The following EXOC6B variants were observed in gnomAD, a reference collection of about 807,000 sequenced individuals.
The protein encoded by EXOC6B is SEC15 homolog B.
EXOC6B carries 54 observed loss-of-function variants against 113.5 expected under a neutral mutation model. That is an observed-to-expected ratio of 0.48 (90% CI 0.38 to 0.60). EXOC6B has a LOEUF of 0.60. Among genes scored for constraint, EXOC6B ranks in the 20% least tolerant of loss-of-function variants. EXOC6B has a pLI of 0.00. For missense variants in EXOC6B, 797 were observed against 977.5 expected, an observed-to-expected ratio of 0.82 and a Z score of 2.46; for synonymous variants, 357 against 339.0, an observed-to-expected ratio of 1.05 and a Z score of -0.58.
At chr2:72,713,793 A>G (rs1679421887) in intron 6 of EXOC6B, among the ~76,000 whole-genome samples, 1 of 152,222 alleles carries the variant, frequency 6.6e-6, no homozygotes, top group East Asian at 1.9e-4. Context: ...TTGTGAAGAA[A>G]AAGCAAGAGA....
intron 20 of EXOC6B, among the ~76,000 whole-genome samples, chr2:72,221,455 A>G (rs778192962): frequency 1.3e-5 from 2 of 152,196 alleles, no homozygotes; most frequent in Non-Finnish European, 2.9e-5. Context: ...CTCTGACTAC[A>G]GTATTTAACA....
At chr2:72,456,398 T>C (rs375156824) in intron 18 of EXOC6B, among the ~76,000 whole-genome samples, 16 of 152,274 alleles carry the variant, frequency 1.1e-4, no homozygotes, top group African/African-American at 3.1e-4. Context: ...AGTTACTTTA[T>C]TATTCAAAAC....
At chr2:72,206,070 A>G (rs13391463) in intron 20 of EXOC6B, among the ~76,000 whole-genome samples, 62,930 of 152,026 alleles carry the variant, frequency 0.41, 16,359 homozygotes, top group African/African-American at 0.74. Flanking sequence ...CATTCATTGC[A>G]AGCCAGATGG....
At chr2:72,578,818 CTATG>C (rs1705030778) in intron 6 of EXOC6B, among the ~76,000 whole-genome samples, 1 of 151,688 alleles carries the variant, frequency 6.6e-6, no homozygotes, top group Non-Finnish European at 1.5e-5. Flanking sequence ...AGGAGAAGGA[CTATG>C]TATGAAAAAA....
At chr2:72,223,980 T>C (rs961300929) in intron 20 of EXOC6B, among the ~76,000 whole-genome samples, 1 of 152,230 alleles carries the variant, frequency 6.6e-6, no homozygotes, top group African/African-American at 2.4e-5. Context: ...TGTTTGTTTA[T>C]AAACACAGCC....
chr2:72,604,328 T>C (rs147632115), intron 6 of EXOC6B, among the ~76,000 whole-genome samples: 125 of 152,316 alleles, frequency 8.2e-4, no homozygotes, highest in African/African-American at 2.9e-3. Flanking sequence ...TCGTCAAAGA[T>C]AACTTTGAAA....
At chr2:72,421,133 A>G (rs2105261160) in intron 18 of EXOC6B, among the ~76,000 whole-genome samples, 1 of 152,278 alleles carries the variant, frequency 6.6e-6, no homozygotes, top group Non-Finnish European at 1.5e-5. Context: ...GATTCTGGAT[A>G]TTAGCCCTTT....
intron 17 of EXOC6B, among the ~76,000 whole-genome samples, chr2:72,476,094 T>A (rs2105468525): frequency 6.6e-6 from 1 of 152,322 alleles, no homozygotes; most frequent in Non-Finnish European, 1.5e-5. Flanking sequence ...GTGAGCTCCT[T>A]CCCTGGACCA....
chr2:72,504,915 G>C (rs950366330), intron 11 of EXOC6B, among the ~76,000 whole-genome samples: 1 of 152,044 alleles, frequency 6.6e-6, no homozygotes, highest in African/African-American at 2.4e-5. Flanking sequence ...TTGGTAAACT[G>C]TTTGTCTTTT....
intron 1 of EXOC6B, among the ~76,000 whole-genome samples, chr2:72,768,009 C>T (rs1357834146): frequency 4.0e-5 from 6 of 148,192 alleles, no homozygotes; most frequent in Non-Finnish European, 9.0e-5. Context: ...CCCAGCTACT[C>T]GGAAGGCTGA....
chr2:72,559,648 A>C (rs1703772881), intron 7 of EXOC6B, 127 bp from the exon 8 acceptor site: 2 of 634,936 alleles, frequency 3.1e-6, no homozygotes, highest in African/African-American at 3.8e-5. Context: ...TGAGAAATAC[A>C]AAACAAACAA....
At chr2:72,284,537 C>T (rs1041235853) in intron 20 of EXOC6B, among the ~76,000 whole-genome samples, 2 of 151,986 alleles carry the variant, frequency 1.3e-5, no homozygotes, top group African/African-American at 4.8e-5. Context: ...AAACTATAAG[C>T]TTTCCTACTA....
intron 1 of EXOC6B, among the ~76,000 whole-genome samples, chr2:72,815,911 T>G (rs1272962528): frequency 6.6e-6 from 1 of 152,108 alleles, no homozygotes; most frequent in South Asian, 2.1e-4. Context: ...GTAATCCCAG[T>G]ACTTTGGGAG....
intron 18 of EXOC6B, among the ~76,000 whole-genome samples, chr2:72,382,613 T>A (rs1446664235): frequency 6.6e-6 from 1 of 152,204 alleles, no homozygotes; most frequent in Admixed American, 6.5e-5. Context: ...TAAATTGCTT[T>A]GAGCAGTATC....
intron 20 of EXOC6B, among the ~76,000 whole-genome samples, chr2:72,241,956 C>A (rs926390629): frequency 6.6e-6 from 1 of 152,050 alleles, no homozygotes; most frequent in African/African-American, 2.4e-5. Flanking sequence ...CCTGTAATCC[C>A]AGCACTTTGG....
chr2:72,721,390 G>GAAAAAAAAAAAAA (rs1679996399), intron 5 of EXOC6B, among the ~76,000 whole-genome samples: 6 of 52,032 alleles, frequency 1.2e-4, no homozygotes, highest in Admixed American at 2.3e-4. Context: ...AAAAAAAAAT[G>GAAAAAAAAAAAAA]AACAAAGAAA....
At chr2:72,395,082 T>C (rs1363120379) in intron 18 of EXOC6B, among the ~76,000 whole-genome samples, 2 of 151,960 alleles carry the variant, frequency 1.3e-5, no homozygotes, top group African/African-American at 4.8e-5. Flanking sequence ...AAAGGAAAAA[T>C]AAAAAAGAAA....
At chr2:72,466,385 A>T (rs2105425183) in intron 17 of EXOC6B, among the ~76,000 whole-genome samples, 1 of 151,594 alleles carries the variant, frequency 6.6e-6, no homozygotes, top group South Asian at 2.1e-4. Context: ...AGAAATAAGT[A>T]GGTCCAGGTT....
intron 1 of EXOC6B, among the ~76,000 whole-genome samples, chr2:72,778,828 T>C (rs1683864675): frequency 6.6e-6 from 1 of 152,140 alleles, no homozygotes; most frequent in Non-Finnish European, 1.5e-5. Context: ...ATCACCGAGT[T>C]CCAAAATTCG....
Sources: gnomAD v4.1 joint callset for allele counts (sites outside exome capture counted in the v4.1 genomes callset) on GRCh38, gnomAD v4.1.1 for gene constraint, MANE v1.5 for transcripts, NCBI Gene and HGNC (gene_info 2026-07-23, HGNC 2026-07-21) for gene names.